ATP6V0A2: variants seen among roughly 807,000 people sequenced by gnomAD.
The protein encoded by ATP6V0A2 is ATPase H+ transporting V0 subunit a2.
Under a neutral mutation model 104.4 loss-of-function variants are expected in ATP6V0A2, and 58 were observed. The ratio of observed to expected loss-of-function variants is 0.56; its 90% CI spans 0.45 to 0.69. ATP6V0A2 has a LOEUF of 0.69. ATP6V0A2 is among the 30% of genes least tolerant of loss of function. The pLI, the probability that ATP6V0A2 is intolerant of heterozygous loss-of-function variation, is 0.00. For synonymous variants in ATP6V0A2, 376 were observed against 397.9 expected, an observed-to-expected ratio of 0.95 and a Z score of 0.65; for missense variants, 938 against 1,062.9, an observed-to-expected ratio of 0.88 and a Z score of 1.63.
chr12:123,748,512 A>G (rs1056669837), intron 14 of ATP6V0A2, 63 bp from the exon 15 acceptor site: 2 of 1,264,266 alleles, frequency 1.6e-6, no homozygotes, highest in Non-Finnish European at 2.3e-6. Flanking sequence ...AGAGAGTTTA[A>G]TTTACTCTTT....
intron 1 of ATP6V0A2, among the ~76,000 whole-genome samples, chr12:123,714,965 A>C (rs1956326347): frequency 6.6e-6 from 1 of 152,142 alleles, no homozygotes; most frequent in South Asian, 2.1e-4. Context: ...CTGTAGTCCT[A>C]GCTACTCTCA....
In ATP6V0A2 at chr12:123,722,462, G is replaced by C. The variant is rs758859506; in HGVS notation, c.294+14G>C. ...CTAGAAATGCAGGTAACTTGCTTCT[G>C]ACGAAGCTGGTTGCAGCCATTGATC... On this transcript the variant is annotated intron_variant, in intron 3 of 19. Transcript: ENST00000330342. The C allele has an allele frequency of 6.6e-7, 1 of 1,523,166 alleles. No individual in the cohort carries two copies. The highest frequency in any genetic ancestry group is 9.1e-7 in the Non-Finnish European group (1 of 1,097,072). The allele number at this position is 1,523,166 out of a possible 1,614,324, so 94.4% of individuals were successfully genotyped here.
intron 19 of ATP6V0A2, among the ~76,000 whole-genome samples, chr12:123,757,275 T>A (rs1209105247): frequency 6.6e-6 from 1 of 152,126 alleles, no homozygotes; most frequent in African/African-American, 2.4e-5. Context: ...ACCCTGTCTC[T>A]ACTAATAATA....
chr12:123,726,110 G>A (rs1364594823), intron 4 of ATP6V0A2, 87 bp from the exon 5 acceptor site: 1 of 972,016 alleles, frequency 1.0e-6, no homozygotes, highest in Non-Finnish European at 1.7e-6. Context: ...TAGTTAGGAT[G>A]CCCTATAAAC....
In ATP6V0A2 at chr12:123,743,845, C is replaced by T. The variant is rs147833091; in HGVS notation, c.1099C>T (p.Pro367Ser). Residue 367 changes from proline to serine, a missense_variant, in exon 10 of 20, where the codon CCC becomes TCC. Coordinates refer to ENST00000330342, the MANE Select transcript of ATP6V0A2 (RefSeq NM_012463.4). ...MNIIPTKETP[P>S]TRIRTNKFTE... ...TATAATCCCCACAAAAGAAACACCCCCCACTCGGATCCGCACCAACAAATT... is the reference window on the plus strand; with the variant it reads ...TATAATCCCCACAAAAGAAACACCCTCCACTCGGATCCGCACCAACAAATT... The T allele has an allele frequency of 6.2e-7, 1 of 1,614,078 alleles. No homozygotes were observed. The highest frequency in any genetic ancestry group is 8.5e-7 in the Non-Finnish European group (1 of 1,179,992).
rs1334420918 is a variant in ATP6V0A2 at position 123,761,560 on chromosome 12, T to C, written c.*3528T>C. On this transcript the variant is annotated 3_prime_UTR_variant, in exon 20 of 20. Coordinates refer to ENST00000330342, the MANE Select transcript of ATP6V0A2 (RefSeq NM_012463.4). ...TTAGTACACTCCACCTGTTCTTTGA[T>C]GGGAATATCTAAGAAGGCTAGGTAG... 1 of 152,150 alleles carries C rather than the reference T, an allele frequency of 6.6e-6. No homozygotes were observed. Among genetic ancestry groups the C allele is most frequent in the East Asian group, 1.9e-4 (1 of 5,190 alleles). The allele number at this position is 152,150 out of a possible 1,614,324, so 9.4% of individuals were successfully genotyped here.
At chr12:123,749,641 A>G (rs111768713) in intron 15 of ATP6V0A2, among the ~76,000 whole-genome samples, 3,094 of 152,334 alleles carry the variant, frequency 0.02, 47 homozygotes, top group African/African-American at 0.034. Context: ...CAATCCAGCT[A>G]CTCAGTAAAT....
intron 6 of ATP6V0A2, among the ~76,000 whole-genome samples, chr12:123,729,363 G>A (rs1346866580): frequency 8.0e-6 from 1 of 125,474 alleles, no homozygotes; most frequent in Admixed American, 1.0e-4. Flanking sequence ...TTGAAGCCAA[G>A]ATGTGGCTTC....
intron 15 of ATP6V0A2, among the ~76,000 whole-genome samples, chr12:123,749,011 C>T (rs2135915039): frequency 6.6e-6 from 1 of 152,254 alleles, no homozygotes; most frequent in East Asian, 1.9e-4. Flanking sequence ...AGGAAGAGGC[C>T]AGGCATAGTG....
chr12:123,717,438 C>CT (rs1197563902), intron 1 of ATP6V0A2, among the ~76,000 whole-genome samples: 11 of 95,750 alleles, frequency 1.1e-4, no homozygotes, highest in South Asian at 4.3e-4. Flanking sequence ...CTTTTCTTTT[C>CT]TTTCTTTCTT....
At position 123,760,752 on chromosome 12, in the gene ATP6V0A2, T is replaced by A. The variant is rs1174803167; in HGVS notation, c.*2720T>A. 6.6e-6 allele frequency: 1 copy of A among 152,000 alleles called. No individual in the cohort carries two copies. The highest frequency in any genetic ancestry group is 1.5e-5 in the Non-Finnish European group (1 of 68,002). The allele number at this position is 152,000 out of a possible 1,614,324, so 9.4% of individuals were successfully genotyped here. On this transcript the variant is annotated 3_prime_UTR_variant, in exon 20 of 20. Transcript: ENST00000330342. ...GTGGTCAGTTAAGGAGTGCAAAGGG[T>A]GTTCTGTCTGATAGGATCTGGGTGA...
At chr12:123,727,660 C>T in intron 5 of ATP6V0A2, 123 bp from the exon 6 acceptor site, 1 of 1,130,304 alleles carries the variant, frequency 8.8e-7, no homozygotes, top group South Asian at 1.2e-5. Context: ...AGATGTTTTG[C>T]AGTTGGAGGG....
chr12:123,715,511 G>A (rs1364892032), intron 1 of ATP6V0A2, among the ~76,000 whole-genome samples: 2 of 152,208 alleles, frequency 1.3e-5, no homozygotes, highest in Non-Finnish European at 2.9e-5. Context: ...AGGTTGAGCA[G>A]TTTCATGTCA....
At chr12:123,718,310 G>A (rs1956363907) in intron 1 of ATP6V0A2, among the ~76,000 whole-genome samples, 1 of 151,926 alleles carries the variant, frequency 6.6e-6, no homozygotes, top group Non-Finnish European at 1.5e-5. Flanking sequence ...GGCTGGTCTT[G>A]AACTCCCGAC....
chr12:123,752,069 A>C (rs1956720734), intron 16 of ATP6V0A2, among the ~76,000 whole-genome samples: 1 of 152,130 alleles, frequency 6.6e-6, no homozygotes, highest in Non-Finnish European at 1.5e-5. Flanking sequence ...CATGTTGCAC[A>C]GGCTGGTCTT....
chr12:123,736,963 C>G, intron 8 of ATP6V0A2, 96 bp from the exon 9 acceptor site: 1 of 1,215,706 alleles, frequency 8.2e-7, no homozygotes, highest in Non-Finnish European at 1.2e-6. Context: ...GATCCTCTGT[C>G]AATGGGGAGA....
At chr12:123,738,385 A>G (rs1296629835) in intron 9 of ATP6V0A2, among the ~76,000 whole-genome samples, 1 of 150,924 alleles carries the variant, frequency 6.6e-6, no homozygotes. Context: ...CAAGAGCAAA[A>G]CTTTGTCTCA....
chr12:123,719,160 T>C (rs1281088039), intron 2 of ATP6V0A2, among the ~76,000 whole-genome samples: 1 of 152,212 alleles, frequency 6.6e-6, no homozygotes, highest in East Asian at 1.9e-4. Flanking sequence ...AGGCGGGAAA[T>C]GGAAGATAGA....
chr12:123,735,719 C>T lies in ATP6V0A2; in HGVS notation c.825+95C>T, dbSNP rs538695121. 788 of 1,050,166 alleles carry T rather than the reference C, an allele frequency of 7.5e-4. 8 individuals carry two copies. Among genetic ancestry groups the T allele is most frequent in the Middle Eastern group, 4.7e-3 (19 of 4,052 alleles). 65.1% of individuals were successfully genotyped at this position (1,050,166 alleles called of 1,614,324 possible). A position where few individuals can be genotyped will look rare whatever the true frequency, so the allele number is the denominator to read the frequency against. Reference sequence around the variant, plus strand: ...CTTTTTTAACATAGATAATATTGGTCGTAGACAAATCAAGATGTTCTAGTG... The same window carrying T: ...CTTTTTTAACATAGATAATATTGGTTGTAGACAAATCAAGATGTTCTAGTG... On this transcript the variant is annotated intron_variant, in intron 8 of 19. Coordinates refer to ENST00000330342, the MANE Select transcript of ATP6V0A2 (RefSeq NM_012463.4).
Sources: allele counts gnomAD v4.1 joint callset (sites outside exome capture counted in the v4.1 genomes callset), GRCh38; gene constraint gnomAD v4.1.1; transcripts MANE v1.5; gene names NCBI Gene and HGNC (gene_info 2026-07-23, HGNC 2026-07-21).